Variants in NFATC2 observed in about 807,000 individuals in gnomAD.
The protein encoded by NFATC2 is nuclear factor of activated T-cells, cytoplasmic 2.
A neutral mutation model predicts 87.3 loss-of-function variants in NFATC2; 22 were observed. That is an observed-to-expected ratio of 0.25 (90% CI 0.18 to 0.36). NFATC2 has a LOEUF of 0.36. Among genes scored for constraint, NFATC2 ranks in the 10% least tolerant of loss-of-function variants. The pLI, the probability that NFATC2 is intolerant of heterozygous loss-of-function variation, is 1.00. For missense variants in NFATC2, 1,149 were observed against 1,259.1 expected (o/e 0.91, Z 1.32); for synonymous variants, 565 against 542.2 (o/e 1.04, Z -0.58).
At chr20:51,519,751 TA>T (rs66928164) in intron 2 of NFATC2, among the ~76,000 whole-genome samples, 19,425 of 122,450 alleles carry the variant, frequency 0.16, 1,631 homozygotes, top group African/African-American at 0.25. Flanking sequence ...CCATCTCTAC[TA>T]AAAAAAAAAA....
intron 3 of NFATC2, among the ~76,000 whole-genome samples, chr20:51,477,548 T>C (rs1462355913): frequency 7.2e-4 from 71 of 98,592 alleles, no homozygotes; most frequent in African/African-American, 3.0e-3. Flanking sequence ...TATATATATA[T>C]ATATATATAT....
At position 51,513,048 on chromosome 20, in the gene NFATC2, G is replaced by A. The variant is rs147926750; in HGVS notation, c.1332+3736C>T. Among the ~76,000 whole-genome samples, 397 of 151,992 alleles carry A rather than the reference G, an allele frequency of 2.6e-3. 8 individuals are homozygous for A. Among genetic ancestry groups the A allele is most frequent in the East Asian group, 0.011 (56 of 5,178 alleles). ...TTTTTTTTTTAAACTGACTTCCCAT[G>A]CTAAAAATCAGTAATTAGCATGACT... On this transcript the variant is annotated intron_variant, in intron 3 of 10. Coordinates refer to ENST00000371564, the MANE Select transcript of NFATC2 (RefSeq NM_012340.5).
intron 5 of NFATC2, among the ~76,000 whole-genome samples, chr20:51,456,267 G>A (rs1279125371): frequency 6.6e-6 from 1 of 152,180 alleles, no homozygotes; most frequent in Non-Finnish European, 1.5e-5. Flanking sequence ...GGACAGGCCT[G>A]TGCTGAGCAC....
upstream of NFATC2, among the ~76,000 whole-genome samples, chr20:51,547,436 C>T (rs2076898306): frequency 6.6e-6 from 1 of 152,094 alleles, no homozygotes. Context: ...TCAAGAAGCT[C>T]CTCCTACCAC....
intron 8 of NFATC2, among the ~76,000 whole-genome samples, chr20:51,434,680 G>A (rs1200224386): frequency 1.3e-5 from 2 of 152,174 alleles, no homozygotes; most frequent in African/African-American, 4.8e-5. Context: ...ATGAATGCAT[G>A]AAAAAATGGT....
Position 51,550,202 on chromosome 20 carries a change from C to T in NFATC2, c.70+12358G>A, listed in dbSNP as rs374940034. Among the ~76,000 whole-genome samples the T allele has an allele frequency of 1.3e-4, 20 of 152,052 alleles. 1 individual carries two copies. The highest frequency in any genetic ancestry group is 1.0e-3 in the Admixed American group (16 of 15,254). On this transcript the variant is annotated intron_variant, in intron 1 of 10. Coordinates refer to the NFATC2 transcript ENST00000414705. ...CTATGAAAAATAAAAATACATTAGC[C>T]GGGCTCCCATTTGAGCCCAGGAGCT...
chr20:51,406,242 G>A (rs775304577), intron 9 of NFATC2, among the ~76,000 whole-genome samples: 1 of 152,188 alleles, frequency 6.6e-6, no homozygotes, highest in Non-Finnish European at 1.5e-5. Context: ...ATAGAAATTC[G>A]TTTTCACTTA....
At chr20:51,562,809 T>C (rs1481022377), upstream of NFATC2, 1 of 561,168 alleles carries the variant, frequency 1.8e-6, no homozygotes, top group Non-Finnish European at 3.2e-6. This position sits in a 1 kb window ranked among gnomAD's most constrained non-coding sequence, Gnocchi z 5.8. Context: ...TCGGCGCGGC[T>C]CCGCGATCCG....
chr20:51,396,709 A>G (rs1473304557), intron 10 of NFATC2, among the ~76,000 whole-genome samples: 1 of 152,192 alleles, frequency 6.6e-6, no homozygotes, highest in African/African-American at 2.4e-5. Context: ...CCCCCCAGTC[A>G]CTACTGACTA....
At chr20:51,518,294 A>G (rs868426136) in intron 2 of NFATC2, among the ~76,000 whole-genome samples, 3 of 152,156 alleles carry the variant, frequency 2.0e-5, no homozygotes, top group Admixed American at 6.5e-5. Context: ...ATTTTTTCCC[A>G]GTTAGCTCAG....
rs545046052 is a variant in NFATC2 at position 51,394,951 on chromosome 20, C to T, written c.*45-3500G>A. On this transcript the variant is annotated intron_variant, in intron 10 of 10. Coordinates refer to ENST00000371564, the MANE Select transcript of NFATC2 (RefSeq NM_012340.5). Reference sequence around the variant, plus strand: ...TACTAAATTTCCAAGTAGCCCCACTCGTGCATGGCACCATGCACACAGCAG... The same window carrying T: ...TACTAAATTTCCAAGTAGCCCCACTTGTGCATGGCACCATGCACACAGCAG... Among the ~76,000 whole-genome samples, 4 of 152,322 alleles carry T rather than the reference C, an allele frequency of 2.6e-5. 1 individual carries two copies. Among genetic ancestry groups the T allele is most frequent in the Middle Eastern group, 6.8e-3 (2 of 294 alleles).
At chr20:51,498,390 G>A (rs963648761) in intron 3 of NFATC2, among the ~76,000 whole-genome samples, 8 of 152,302 alleles carry the variant, frequency 5.3e-5, no homozygotes, top group Admixed American at 1.3e-4. Flanking sequence ...ATGAAGCAAC[G>A]ATGAAGGAGA....
At chr20:51,412,999 C>CA (rs1979492586) in intron 9 of NFATC2, among the ~76,000 whole-genome samples, 1 of 130,476 alleles carries the variant, frequency 7.7e-6, no homozygotes, top group African/African-American at 2.9e-5. Context: ...TCCCGCCGCC[C>CA]CCCCCCCTCC....
intron 6 of NFATC2, among the ~76,000 whole-genome samples, chr20:51,450,706 C>G (rs541903108): frequency 4.7e-4 from 71 of 152,322 alleles, no homozygotes; most frequent in African/African-American, 1.7e-3. Context: ...CTGTCTGCCT[C>G]CCATGGGTGC....
chr20:51,406,457 C>T (rs550774320), intron 9 of NFATC2, among the ~76,000 whole-genome samples: 4 of 152,302 alleles, frequency 2.6e-5, no homozygotes, highest in Admixed American at 1.3e-4. Context: ...AAGCAAAGAG[C>T]GGCTTGGCCC....
intron 1 of NFATC2, among the ~76,000 whole-genome samples, chr20:51,557,714 C>T (rs77151449): frequency 0.031 from 4,711 of 152,208 alleles, 229 homozygotes; most frequent in African/African-American, 0.11. Flanking sequence ...ATGCTGTGGT[C>T]CTAACAAGCC....
chr20:51,513,597 G>T (rs2076305564), intron 3 of NFATC2, among the ~76,000 whole-genome samples: 1 of 152,222 alleles, frequency 6.6e-6, no homozygotes, highest in Admixed American at 6.5e-5. Context: ...GGTGTCTCCT[G>T]GACTGTACAC....
upstream of NFATC2, among the ~76,000 whole-genome samples, chr20:51,542,966 G>A (rs1231820957): frequency 6.6e-6 from 1 of 152,148 alleles, no homozygotes; most frequent in East Asian, 1.9e-4. Context: ...GACACGCGCT[G>A]CGCGAACCAG....
intron 1 of NFATC2, among the ~76,000 whole-genome samples, chr20:51,554,846 A>G (rs1373499770): frequency 6.6e-6 from 1 of 152,198 alleles, no homozygotes; most frequent in Non-Finnish European, 1.5e-5. Context: ...AGTCTTCATG[A>G]CTGCCAGTGA....
Sources: allele counts gnomAD v4.1 joint callset (sites outside exome capture counted in the v4.1 genomes callset), GRCh38; gene constraint gnomAD v4.1.1; non-coding constraint Gnocchi (gnomAD v3.1); transcripts MANE v1.5; gene names NCBI Gene and HGNC (gene_info 2026-07-23, HGNC 2026-07-21).